The following LNX1 variants were observed in gnomAD, a reference collection of about 807,000 sequenced individuals.
LNX1 encodes the protein E3 ubiquitin-protein ligase LNX.
Under a neutral mutation model 68.4 loss-of-function variants are expected in LNX1, and 54 were observed. The ratio of observed to expected loss-of-function variants is 0.79; its 90% CI spans 0.63 to 0.99. LNX1 has a LOEUF of 0.99. Among genes scored for constraint, LNX1 ranks in the 50% least tolerant of loss-of-function variants. LNX1 has a pLI of 0.00. For synonymous variants in LNX1, 336 were observed against 350.0 expected, an observed-to-expected ratio of 0.96 and a Z score of 0.45; for missense variants, 906 against 926.4, an observed-to-expected ratio of 0.98 and a Z score of 0.29.
chr4:53,587,906 A>G (rs2109813620), intron 1 of LNX1, among the ~76,000 whole-genome samples: 1 of 152,276 alleles, frequency 6.6e-6, no homozygotes, highest in Non-Finnish European at 1.5e-5. Context: ...CTCCAAGAGA[A>G]ACAACACAAT....
intron 2 of LNX1, among the ~76,000 whole-genome samples, chr4:53,524,501 C>T (rs1727471153): frequency 6.6e-6 from 1 of 152,228 alleles, no homozygotes; most frequent in Non-Finnish European, 1.5e-5. Context: ...CACCCAAGTT[C>T]ACGCAGCAAG....
At chr4:53,625,285 A>T (rs2572294) in intron 1 of LNX1, among the ~76,000 whole-genome samples, 2 of 152,162 alleles carry the variant, frequency 1.3e-5, no homozygotes, top group Non-Finnish European at 2.9e-5. Context: ...AAAAAGACAA[A>T]CCATGGAATG....
intron 1 of LNX1, among the ~76,000 whole-genome samples, chr4:53,590,288 GGGT>G (rs1380086752): frequency 3.5e-4 from 54 of 152,176 alleles, no homozygotes; most frequent in South Asian, 2.1e-4. Flanking sequence ...TTGTATTTCT[GGGT>G]GGATGAACAG....
intron 2 of LNX1, among the ~76,000 whole-genome samples, chr4:53,544,677 A>AG (rs1343368774): frequency 6.6e-6 from 1 of 152,204 alleles, no homozygotes; most frequent in African/African-American, 2.4e-5. Flanking sequence ...AAAAGTGTGC[A>AG]GGGGGCGAAG....
At position 53,573,642 on chromosome 4, in the gene LNX1, C is replaced by A; in HGVS notation, c.361G>T (p.Glu121Ter). The A allele has an allele frequency of 6.2e-7, 1 of 1,603,102 alleles. No individual in the cohort carries two copies. Among genetic ancestry groups the A allele is most frequent in the South Asian group, 1.1e-5 (1 of 88,744 alleles). Residue 121 changes from glutamate to a stop codon, truncating the protein, a stop_gained, in exon 2 of 11, where the codon GAG becomes TAG. Transcript: ENST00000263925. LOFTEE classifies it high-confidence loss of function. ...CTQVLQRCDL[E>*]HHFQTSCKGA... ...ACCTACCTGGTTTGAAAGTGATGCT[C>A]GAGGTCACAGCGCTGCAACACCTGG... is the stretch of plus-strand genomic sequence containing the variant.
At chr4:53,471,969 C>T (rs1049897931) in intron 9 of LNX1, among the ~76,000 whole-genome samples, 9 of 152,166 alleles carry the variant, frequency 5.9e-5, no homozygotes, top group African/African-American at 2.2e-4. Context: ...CCATTTGACC[C>T]AGCCATCCCA....
At chr4:53,536,213 C>A (rs1286484151) in intron 2 of LNX1, among the ~76,000 whole-genome samples, 5 of 152,210 alleles carry the variant, frequency 3.3e-5, no homozygotes, top group Non-Finnish European at 7.3e-5. Flanking sequence ...TGTGAATACA[C>A]TTCCCATATT....
At chr4:53,577,692 G>A (rs1016467252) in intron 1 of LNX1, among the ~76,000 whole-genome samples, 3 of 152,012 alleles carry the variant, frequency 2.0e-5, no homozygotes, top group African/African-American at 7.3e-5. Flanking sequence ...TAGGGTTACA[G>A]ATGTGAGCCA....
At chr4:53,465,048 C>A (rs1014112283) in intron 9 of LNX1, among the ~76,000 whole-genome samples, 16 of 152,246 alleles carry the variant, frequency 1.1e-4, no homozygotes, top group African/African-American at 3.6e-4. Context: ...TACATCCTAA[C>A]AATTTATGGA....
At chr4:53,633,598 T>A (rs1265727605) in intron 1 of LNX1, among the ~76,000 whole-genome samples, 3 of 152,168 alleles carry the variant, frequency 2.0e-5, no homozygotes, top group Admixed American at 2.0e-4. Context: ...TAAACAAGAC[T>A]CAGGGGGCTG....
At chr4:53,574,633 T>C (rs1354642685) in intron 1 of LNX1, among the ~76,000 whole-genome samples, 1 of 152,212 alleles carries the variant, frequency 6.6e-6, no homozygotes, top group East Asian at 1.9e-4. Context: ...CCTGTATGCA[T>C]TTCACTCAGT....
intron 2 of LNX1, among the ~76,000 whole-genome samples, chr4:53,553,617 G>T: frequency 6.6e-6 from 1 of 152,150 alleles, no homozygotes. Context: ...ATTCCCTTTG[G>T]GGTCTAGGAA....
chr4:53,583,931 CAAACAA>C (rs1731989731), intron 1 of LNX1, among the ~76,000 whole-genome samples: 1 of 109,508 alleles, frequency 9.1e-6, no homozygotes. Flanking sequence ...TGACCCCCTG[CAAACAA>C]CAACAACAAC....
At chr4:53,621,385 A>G (rs1733875600), upstream of LNX1, among the ~76,000 whole-genome samples, 1 of 152,188 alleles carries the variant, frequency 6.6e-6, no homozygotes, top group Non-Finnish European at 1.5e-5. Flanking sequence ...AGTACTAGAA[A>G]GTGAGCATCT....
intron 5 of LNX1, 50 bp downstream of exon 5, chr4:53,498,591 A>AT (rs768209163): frequency 1.8e-5 from 25 of 1,423,444 alleles, no homozygotes; most frequent in South Asian, 2.3e-5. Context: ...GCTCAGAAGC[A>AT]TTTTTTTATA....
intron 2 of LNX1, among the ~76,000 whole-genome samples, chr4:53,511,150 G>A (rs553073123): frequency 1.3e-5 from 2 of 152,194 alleles, no homozygotes; most frequent in Admixed American, 6.5e-5. Flanking sequence ...CGTGCTTTGT[G>A]TAATAAAGGT....
rs533306649 is a variant in LNX1 at position 53,476,894 on chromosome 4, G to A, written c.1751C>T (p.Ser584Leu). Residue 584 changes from serine to leucine, a missense_variant, in exon 9 of 11, where the codon TCG (serine) becomes TTG (leucine). Physicochemically the swap from Ser to Leu is moderately radical, Grantham distance 145. Coordinates refer to ENST00000263925, the MANE Select transcript of LNX1 (RefSeq NM_001126328.3). ...AVALLKRTSS[S>L]IVLKALEVKE... is the part of the protein sequence containing the mutation. ...GACTTCCAAAGCTTTGAGTACTATC[G>A]AGGATGATGTTCTTTTCAATAATGC... The A allele has an allele frequency of 5.0e-6, 8 of 1,614,118 alleles. No individual in the cohort carries two copies. The highest frequency in any genetic ancestry group is 2.2e-5 in the East Asian group (1 of 44,886).
At chr4:53,509,360 G>A (rs1276370010) in intron 2 of LNX1, among the ~76,000 whole-genome samples, 14 of 152,186 alleles carry the variant, frequency 9.2e-5, no homozygotes, top group Admixed American at 9.2e-4. Context: ...TCCTACTTCA[G>A]GGATGCTTCA....
chr4:53,573,556 G>T (rs1475157005), intron 2 of LNX1, 67 bp downstream of exon 2: 3 of 1,057,418 alleles, frequency 2.8e-6, no homozygotes, highest in Non-Finnish European at 1.4e-6. Context: ...CAGGAGACTG[G>T]GGGGTGGAGG....
Sources: allele counts gnomAD v4.1 joint callset (sites outside exome capture counted in the v4.1 genomes callset), GRCh38; gene constraint gnomAD v4.1.1; transcripts MANE v1.5; gene names NCBI Gene and HGNC (gene_info 2026-07-23, HGNC 2026-07-21).